Variants in RBMS3 observed in about 807,000 individuals in gnomAD.
RBMS3 encodes RNA-binding motif, single-stranded-interacting protein 3.
RBMS3 carries 27 observed loss-of-function variants against 66.8 expected under a neutral mutation model. That is an observed-to-expected ratio of 0.40 (90% CI 0.30 to 0.56). The LOEUF (loss-of-function observed/expected upper bound fraction) is 0.56, where lower values mean the gene tolerates loss of function less well. RBMS3 is among the 20% of genes least tolerant of loss of function. The pLI, the probability that RBMS3 is intolerant of heterozygous loss-of-function variation, is 0.40. For missense variants in RBMS3, 513 were observed against 549.5 expected (o/e 0.93, Z 0.66); for synonymous variants, 188 against 183.0 (o/e 1.03, Z -0.22).
chr3:29,595,037 A>T (rs1431159583), intron 4 of RBMS3, among the ~76,000 whole-genome samples: 1 of 152,190 alleles, frequency 6.6e-6, no homozygotes, highest in Non-Finnish European at 1.5e-5. Flanking sequence ...TTAAACTGGG[A>T]TCCCTACTAG....
chr3:29,631,932 G>A lies in RBMS3; in HGVS notation c.399+44727G>A, dbSNP rs141238751. On this transcript the variant is annotated intron_variant, in intron 4 of 14. Transcript: ENST00000383767. ...TCCCAAAAAACTTCACAACCAAAAAGAGGAACAAGCGACACATACATGTGC... is the reference window on the plus strand; with the variant it reads ...TCCCAAAAAACTTCACAACCAAAAAAAGGAACAAGCGACACATACATGTGC... 7.9e-3 allele frequency among the ~76,000 whole-genome samples: 1,206 copies of A among 152,006 alleles called. 17 individuals are homozygous for A. The highest frequency in any genetic ancestry group is 0.027 in the African/African-American group (1,133 of 41,502).
At chr3:29,558,194 A>G in intron 3 of RBMS3, among the ~76,000 whole-genome samples, 1 of 152,312 alleles carries the variant, frequency 6.6e-6, no homozygotes, top group East Asian at 1.9e-4. Context: ...GAACAGAAGA[A>G]AGTAATAAAA....
intron 3 of RBMS3, among the ~76,000 whole-genome samples, chr3:29,513,700 C>A (rs1395723354): frequency 6.6e-6 from 1 of 152,014 alleles, no homozygotes; most frequent in East Asian, 1.9e-4. Flanking sequence ...GAGAAGTATG[C>A]AGGGTGCCTG....
intron 1 of RBMS3, among the ~76,000 whole-genome samples, chr3:29,296,875 T>C (rs956512466): frequency 7.0e-5 from 10 of 142,390 alleles, no homozygotes; most frequent in African/African-American, 2.6e-4. Context: ...CCTGAAAAGA[T>C]GACCTTTTTT....
intron 14 of RBMS3, among the ~76,000 whole-genome samples, chr3:29,998,950 C>G (rs1214040954): frequency 6.6e-6 from 1 of 152,018 alleles, no homozygotes. Flanking sequence ...AGCTTCTGCA[C>G]AGCAAAAGAA....
At chr3:29,302,073 G>T (rs2033711598) in intron 1 of RBMS3, among the ~76,000 whole-genome samples, 1 of 151,932 alleles carries the variant, frequency 6.6e-6, no homozygotes, top group Non-Finnish European at 1.5e-5. Flanking sequence ...GCAGTGGTAT[G>T]GTCATGGCTC....
At position 29,341,470 on chromosome 3, in the gene RBMS3, T is replaced by G. The variant is rs142615188; in HGVS notation, c.75+59714T>G. 3.2e-4 allele frequency among the ~76,000 whole-genome samples: 49 copies of G among 152,254 alleles called. No homozygotes were observed. The East Asian group carries it at 7.9e-3, about 25-fold the overall frequency. ...CATCTCAAGCATAATATTTTAAATC[T>G]TATAAGTATTTTTATTTTATCATCT... On this transcript the variant is annotated intron_variant, in intron 1 of 14. Coordinates refer to ENST00000383767, the MANE Select transcript of RBMS3 (RefSeq NM_001003793.3).
intron 4 of RBMS3, among the ~76,000 whole-genome samples, chr3:29,651,789 TG>T (rs1410176310): frequency 2.0e-5 from 3 of 152,164 alleles, no homozygotes; most frequent in Non-Finnish European, 4.4e-5. Flanking sequence ...AATGGCAGTT[TG>T]GATGGTTGAT....
chr3:29,594,695 C>T (rs1457836355), intron 4 of RBMS3, among the ~76,000 whole-genome samples: 1 of 152,114 alleles, frequency 6.6e-6, no homozygotes, highest in Non-Finnish European at 1.5e-5. Flanking sequence ...TGAATATCTG[C>T]TTTGTTGGCT....
intron 4 of RBMS3, among the ~76,000 whole-genome samples, chr3:29,667,345 ACC>A (rs1294279356): frequency 1.3e-5 from 2 of 152,162 alleles, no homozygotes; most frequent in Non-Finnish European, 2.9e-5. Context: ...CAGTGGTATA[ACC>A]ATGTAGTCTC....
In RBMS3 at chr3:29,674,105, A is replaced by G. The variant is rs146656610; in HGVS notation, c.400-65615A>G. 9.3e-3 allele frequency among the ~76,000 whole-genome samples: 1,418 copies of G among 152,326 alleles called. 36 individuals are homozygous for G. The highest frequency in any genetic ancestry group is 0.032 in the African/African-American group (1,322 of 41,568). ...GATGTGAGGCTGGTTCAACATATGCAAATCAGTAAATGTAATCCATCATAT... is the reference window on the plus strand; with the variant it reads ...GATGTGAGGCTGGTTCAACATATGCGAATCAGTAAATGTAATCCATCATAT... On this transcript the variant is annotated intron_variant, in intron 4 of 14. Coordinates refer to ENST00000383767, the MANE Select transcript of RBMS3 (RefSeq NM_001003793.3).
At chr3:29,798,972 G>A (rs1264242597) in intron 6 of RBMS3, among the ~76,000 whole-genome samples, 1 of 125,882 alleles carries the variant, frequency 7.9e-6, no homozygotes, top group Non-Finnish European at 1.6e-5. Flanking sequence ...ATTGTACAAT[G>A]TAATCTTAAT....
intron 6 of RBMS3, among the ~76,000 whole-genome samples, chr3:29,854,878 C>G (rs370776543): frequency 4.9e-4 from 74 of 152,282 alleles, no homozygotes; most frequent in African/African-American, 1.7e-3. Context: ...CCTTTGAACT[C>G]TCTTCAATTC....
chr3:29,694,849 CAAATTTTTTTTTAAAAAAA>C (rs1244117949), intron 4 of RBMS3, among the ~76,000 whole-genome samples: 1 of 150,892 alleles, frequency 6.6e-6, no homozygotes. Context: ...AAGCTGCATG[CAAATTTTTTTTTAAAAAAA>C]AAATACAAGG....
chr3:29,601,025 A>G (rs1323184111), intron 4 of RBMS3, among the ~76,000 whole-genome samples: 1 of 152,090 alleles, frequency 6.6e-6, no homozygotes, highest in Admixed American at 6.6e-5. Flanking sequence ...TTGTCAGAGC[A>G]TGAACAGTGA....
intron 7 of RBMS3, among the ~76,000 whole-genome samples, chr3:29,882,722 T>C (rs963429599): frequency 2.0e-5 from 3 of 152,100 alleles, no homozygotes; most frequent in African/African-American, 7.2e-5. Context: ...ATGTCAATTA[T>C]AAGCTAAATT....
chr3:29,295,684 A>T (rs2033213804), intron 1 of RBMS3, among the ~76,000 whole-genome samples: 2 of 151,560 alleles, frequency 1.3e-5, no homozygotes, highest in Non-Finnish European at 3.0e-5. Context: ...AAGTTTTTAG[A>T]TATTTCTGGT....
intron 4 of RBMS3, among the ~76,000 whole-genome samples, chr3:29,739,423 T>C (rs1300665791): frequency 1.5e-5 from 2 of 137,254 alleles, no homozygotes; most frequent in Non-Finnish European, 3.0e-5. Context: ...GCCACTGCAC[T>C]CCAGCCTGGG....
chr3:29,692,127 G>A (rs1576537751), intron 4 of RBMS3, among the ~76,000 whole-genome samples: 1 of 151,356 alleles, frequency 6.6e-6, no homozygotes, highest in African/African-American at 2.4e-5. Flanking sequence ...GATTACAGAT[G>A]CCTGCCACTA....
Sources: gnomAD v4.1 joint callset for allele counts (sites outside exome capture counted in the v4.1 genomes callset) on GRCh38, gnomAD v4.1.1 for gene constraint, MANE v1.5 for transcripts, NCBI Gene and HGNC (gene_info 2026-07-23, HGNC 2026-07-21) for gene names.